Variants in CCSER1 observed in about 807,000 individuals in gnomAD.
CCSER1 encodes the protein serine-rich coiled-coil domain-containing protein 1.
Under a neutral mutation model 82.0 loss-of-function variants are expected in CCSER1, and 41 were observed. The ratio of observed to expected loss-of-function variants is 0.50; its 90% CI spans 0.39 to 0.65. The LOEUF (loss-of-function observed/expected upper bound fraction) is 0.65. Among genes scored for constraint, CCSER1 ranks in the 30% least tolerant of loss-of-function variants. CCSER1 has a pLI of 0.00. For synonymous variants in CCSER1, 414 were observed against 383.9 expected (o/e 1.08, Z -0.92); for missense variants, 1,119 against 1,064.2 (o/e 1.05, Z -0.72).
chr4:90,726,248 A>T (rs1743621166), intron 7 of CCSER1, among the ~76,000 whole-genome samples: 1 of 151,982 alleles, frequency 6.6e-6, no homozygotes, highest in African/African-American at 2.4e-5. Flanking sequence ...TTTTTTAAGC[A>T]TTACCTTTAG....
intron 3 of CCSER1, among the ~76,000 whole-genome samples, chr4:90,357,741 T>C (rs557763100): frequency 6.6e-6 from 1 of 152,098 alleles, no homozygotes; most frequent in South Asian, 2.1e-4. Flanking sequence ...ATAATTGACC[T>C]CAAACATCAG....
At chr4:91,237,109 A>G (rs1024981956) in intron 10 of CCSER1, among the ~76,000 whole-genome samples, 4 of 152,128 alleles carry the variant, frequency 2.6e-5, no homozygotes, top group African/African-American at 9.7e-5. Context: ...TTATATGCCC[A>G]TTATATTTAT....
chr4:91,387,570 C>T (rs1560632296), intron 10 of CCSER1, among the ~76,000 whole-genome samples: 1 of 152,002 alleles, frequency 6.6e-6, no homozygotes, highest in African/African-American at 2.4e-5. Flanking sequence ...GTTTAAGTAT[C>T]TAACTAATTT....
intron 10 of CCSER1, among the ~76,000 whole-genome samples, chr4:91,331,873 T>C (rs1016347589): frequency 6.6e-6 from 1 of 152,146 alleles, no homozygotes; most frequent in African/African-American, 2.4e-5. Context: ...GTAGGCCAAC[T>C]ACAAGACCTG....
chr4:90,421,366 C>T (rs913856985), intron 4 of CCSER1, among the ~76,000 whole-genome samples: 38 of 152,166 alleles, frequency 2.5e-4, no homozygotes, highest in Admixed American at 7.9e-4. Flanking sequence ...TACATCATAA[C>T]GTGCTAGCAT....
At chr4:90,163,577 T>G (rs747534250) in intron 1 of CCSER1, among the ~76,000 whole-genome samples, 2 of 152,182 alleles carry the variant, frequency 1.3e-5, no homozygotes, top group Admixed American at 6.5e-5. Flanking sequence ...GATTTGTGCT[T>G]AAAACATTTT....
At chr4:90,331,849 G>T (rs1266096591) in intron 3 of CCSER1, among the ~76,000 whole-genome samples, 1 of 150,854 alleles carries the variant, frequency 6.6e-6, no homozygotes, top group Non-Finnish European at 1.5e-5. Flanking sequence ...TTGAAAGGTT[G>T]TATTATACAT....
At chr4:91,573,836 C>T (rs1187431416) in intron 10 of CCSER1, among the ~76,000 whole-genome samples, 2 of 152,158 alleles carry the variant, frequency 1.3e-5, no homozygotes, top group South Asian at 2.1e-4. Flanking sequence ...CTTGGGCACT[C>T]CCCACCCAGT....
At chr4:90,806,532 G>C (rs776535162) in intron 7 of CCSER1, among the ~76,000 whole-genome samples, 5 of 152,110 alleles carry the variant, frequency 3.3e-5, no homozygotes, top group Non-Finnish European at 7.3e-5. Flanking sequence ...CCAAATCTCA[G>C]ATCCCATCTC....
At chr4:91,200,408 C>A (rs1245035145) in intron 10 of CCSER1, among the ~76,000 whole-genome samples, 1 of 151,998 alleles carries the variant, frequency 6.6e-6, no homozygotes, top group Admixed American at 6.6e-5. Context: ...ATTCACCTTT[C>A]AACTTTACCC....
At chr4:90,424,740 T>C (rs1355783896) in intron 4 of CCSER1, among the ~76,000 whole-genome samples, 4 of 152,224 alleles carry the variant, frequency 2.6e-5, no homozygotes, top group African/African-American at 9.6e-5. Context: ...TCTTTCCTGA[T>C]GTGCACATAC....
intron 7 of CCSER1, chr4:90,727,072 G>T: frequency 2.9e-6 from 1 of 346,420 alleles, no homozygotes; most frequent in South Asian, 2.4e-5. Context: ...GGAGTTTCTA[G>T]GATGCTTGGT....
intron 10 of CCSER1, among the ~76,000 whole-genome samples, chr4:91,513,212 T>C (rs541016081): frequency 6.6e-6 from 1 of 152,280 alleles, no homozygotes; most frequent in East Asian, 1.9e-4. Context: ...TTTTTATGCA[T>C]CTATGGAGAT....
At chr4:91,073,654 A>T (rs1371225582) in intron 9 of CCSER1, among the ~76,000 whole-genome samples, 3 of 152,172 alleles carry the variant, frequency 2.0e-5, no homozygotes, top group African/African-American at 7.2e-5. Flanking sequence ...AAGTTAAAAA[A>T]ATCAGAAACT....
At chr4:90,777,230 G>A (rs570376121) in intron 7 of CCSER1, among the ~76,000 whole-genome samples, 43 of 151,624 alleles carry the variant, frequency 2.8e-4, no homozygotes, top group Admixed American at 7.2e-4. Context: ...GGTGGTGGGC[G>A]CCTGTAATCC....
At chr4:90,281,533 A>C (rs1468927047) in intron 1 of CCSER1, among the ~76,000 whole-genome samples, 1 of 152,034 alleles carries the variant, frequency 6.6e-6, no homozygotes, top group Non-Finnish European at 1.5e-5. Flanking sequence ...TATTCTGTAA[A>C]GAGTGTGGAT....
At chr4:91,245,487 T>C (rs1382571145) in intron 10 of CCSER1, among the ~76,000 whole-genome samples, 3 of 152,006 alleles carry the variant, frequency 2.0e-5, no homozygotes, top group Non-Finnish European at 2.9e-5. Context: ...GAGAGAGTGA[T>C]ATGACATGTT....
intron 8 of CCSER1, among the ~76,000 whole-genome samples, chr4:90,879,987 T>C (rs145344618): frequency 4.2e-4 from 64 of 152,322 alleles, no homozygotes; most frequent in African/African-American, 1.3e-3. Context: ...GAAGAAAGTA[T>C]GCTAGCAAAG....
chr4:91,539,255 TTG>T (rs1226734767), intron 10 of CCSER1, among the ~76,000 whole-genome samples: 1 of 152,076 alleles, frequency 6.6e-6, no homozygotes, highest in African/African-American at 2.4e-5. Context: ...GATTAATAGC[TTG>T]TGTTTTCAGA....
Sources: allele counts gnomAD v4.1 joint callset (sites outside exome capture counted in the v4.1 genomes callset), GRCh38; gene constraint gnomAD v4.1.1; transcripts MANE v1.5; gene names NCBI Gene and HGNC (gene_info 2026-07-23, HGNC 2026-07-21).